The following TEX15 variants were observed in gnomAD, a reference collection of about 807,000 sequenced individuals.
TEX15 encodes testis-expressed protein 15.
Under a neutral mutation model 237.3 loss-of-function variants are expected in TEX15, and 171 were observed. That is an observed-to-expected ratio of 0.72 (90% CI 0.64 to 0.82). The LOEUF is 0.82. Ranked by LOEUF, TEX15 falls within the 40% of genes least tolerant of loss-of-function variation. TEX15 has a pLI of 0.00. For synonymous variants in TEX15, 1,338 were observed against 1,269.8 expected (o/e 1.05, Z -1.14); for missense variants, 3,750 against 3,646.5 (o/e 1.03, Z -0.73).
At chr8:30,900,376 G>C (rs766914191) in intron 1 of TEX15, among the ~76,000 whole-genome samples, 5 of 152,318 alleles carry the variant, frequency 3.3e-5, no homozygotes, top group Middle Eastern at 3.4e-3. Flanking sequence ...TACTGTGATA[G>C]TGATGATCCA....
chr8:30,889,940 T>TATATACATATATATATATATAC (rs1554502302), intron 2 of TEX15, among the ~76,000 whole-genome samples: 1 of 129,922 alleles, frequency 7.7e-6, no homozygotes, highest in African/African-American at 3.6e-5. Flanking sequence ...TATACATATA[T>TATATACATATATATATATATAC]ATATATATAT....
intron 2 of TEX15, among the ~76,000 whole-genome samples, chr8:30,898,448 C>G (rs992829098): frequency 5.3e-5 from 8 of 152,166 alleles, no homozygotes; most frequent in African/African-American, 1.9e-4. Context: ...CTGCCAGCAC[C>G]TTGATCTTGG....
chr8:30,832,236 A>C lies in TEX15; in HGVS notation c.*1050T>G, dbSNP rs1807198819. Reference sequence around the variant, plus strand: ...ATAACACAAAAAGTTTGCTTACATAAAAAGTTTGCAAAAGCACTGAAGCTT... The same window carrying C: ...ATAACACAAAAAGTTTGCTTACATACAAAGTTTGCAAAAGCACTGAAGCTT... On this transcript the variant is annotated 3_prime_UTR_variant, in exon 11 of 11. Transcript: ENST00000643185. 4 of 152,254 alleles carry C rather than the reference A, an allele frequency of 2.6e-5. No individual in the cohort carries two copies. In the South Asian group the frequency reaches 8.3e-4, roughly 31 times the overall value. The allele number at this position is 152,254 out of a possible 1,614,324, so 9.4% of individuals were successfully genotyped here. A position where few individuals can be genotyped will look rare whatever the true frequency, so the allele number is the denominator to read the frequency against.
chr8:30,894,543 C>G (rs949432138), intron 2 of TEX15, among the ~76,000 whole-genome samples: 2 of 152,034 alleles, frequency 1.3e-5, no homozygotes, highest in African/African-American at 4.8e-5. Context: ...AGAAGAGTTC[C>G]AAGATAAGCC....
Position 30,874,964 on chromosome 8 carries a change from T to A in TEX15, c.275A>T (p.Glu92Val). 7.4e-7 allele frequency: 1 copy of A among 1,354,356 alleles called. No individual in the cohort carries two copies. Among genetic ancestry groups the A allele is most frequent in the Non-Finnish European group, 9.5e-7 (1 of 1,053,466 alleles). The allele number at this position is 1,354,356 out of a possible 1,614,324, so 83.9% of individuals were successfully genotyped here. ...CTTAGCAGTAAAATTTTTTTCCAGT[T>A]CCTCATTGTGAACCAGTTTTGTATC... Reference protein sequence around the residue: ...FGDTKLVHNEELEKNFTAKRS... With the variant: ...FGDTKLVHNEVLEKNFTAKRS... The change falls in exon 4 of 11, where the codon GAA becomes GTA. Residue 92 changes from glutamate (E) to valine (V), a missense_variant. Coordinates refer to ENST00000643185, the MANE Select transcript of TEX15 (RefSeq NM_001350162.2).
intron 2 of TEX15, among the ~76,000 whole-genome samples, chr8:30,897,806 A>G (rs1808934434): frequency 6.6e-6 from 1 of 152,084 alleles, no homozygotes; most frequent in African/African-American, 2.4e-5. Context: ...GATTGCAAGC[A>G]CATGCCACCT....
chr8:30,874,740 A>T (rs750158357), intron 4 of TEX15, among the ~76,000 whole-genome samples, 197 bp downstream of exon 4: 4 of 152,210 alleles, frequency 2.6e-5, no homozygotes, highest in Non-Finnish European at 5.9e-5. Flanking sequence ...AAATCTCACT[A>T]CATTAATACA....
chr8:30,847,287 A>G lies in TEX15; in HGVS notation c.2880T>C (p.Ser960=). 3 of 1,613,990 alleles carry G rather than the reference A, an allele frequency of 1.9e-6. No individual in the cohort carries two copies. Among genetic ancestry groups the G allele is most frequent in the East Asian group, 4.5e-5 (2 of 44,870 alleles). The change falls in exon 8 of 11, where the codon AGT becomes AGC. Residue 960 remains serine (S), a synonymous_variant. Transcript: ENST00000643185. ...KQKDTENTGR[S]VEHLASTTFP... ...ATGTCGTGGAAGCCAAATGCTCTAC[A>G]CTTCTTCCAGTATTTTCAGTATCTT...
At chr8:30,893,780 T>C (rs1808841080) in intron 2 of TEX15, among the ~76,000 whole-genome samples, 1 of 152,248 alleles carries the variant, frequency 6.6e-6, no homozygotes, top group Non-Finnish European at 1.5e-5. Context: ...ATTTTCATCA[T>C]GATGTTCTAG....
intron 10 of TEX15, among the ~76,000 whole-genome samples, chr8:30,836,431 C>G (rs2128765973): frequency 6.6e-6 from 1 of 151,996 alleles, no homozygotes; most frequent in South Asian, 2.1e-4. Context: ...CCAGGCTAGT[C>G]TTGAACTCCT....
In TEX15 at chr8:30,832,640, T is replaced by C. The variant is rs1807207344; in HGVS notation, c.*646A>G. The C allele has an allele frequency of 6.6e-6, 1 of 152,226 alleles. No homozygotes were observed. Among genetic ancestry groups the C allele is most frequent in the South Asian group, 2.1e-4 (1 of 4,830 alleles). The allele number at this position is 152,226 out of a possible 1,614,324, so 9.4% of individuals were successfully genotyped here. A position where few individuals can be genotyped will look rare whatever the true frequency, so the allele number is the denominator to read the frequency against. On this transcript the variant is annotated 3_prime_UTR_variant, in exon 11 of 11. Coordinates refer to ENST00000643185, the MANE Select transcript of TEX15 (RefSeq NM_001350162.2). ...TGCTAGAAAATCATTAAAATAACTA[T>C]TTAAATTGTGAAATCCAAAAACAAA... is the stretch of plus-strand genomic sequence containing the variant.
rs780513628 is a variant in TEX15 at position 30,846,125 on chromosome 8, T to A, written c.4042A>T (p.Lys1348Ter). Residue 1348 changes from lysine to a stop codon, truncating the protein, a stop_gained, in exon 8 of 11, where the codon AAA becomes TAA. Transcript: ENST00000643185. LOFTEE classifies it high-confidence loss of function. The part of the protein sequence containing the change: ...CFSSLSQGRI[K>*]TFSQSEKHIK... ...TGCTTTTCTGACTGTGAAAATGTTTTAATTCGTCCTTGGGATAATGAAGAG... is the reference window on the plus strand; with the variant it reads ...TGCTTTTCTGACTGTGAAAATGTTTAAATTCGTCCTTGGGATAATGAAGAG... 2 of 1,613,628 alleles carry A rather than the reference T, an allele frequency of 1.2e-6. No individual in the cohort carries two copies. The highest frequency in any genetic ancestry group is 2.2e-5 in the South Asian group (2 of 91,036).
intron 1 of TEX15, among the ~76,000 whole-genome samples, chr8:30,906,741 G>C (rs1585319123): frequency 6.6e-6 from 1 of 152,050 alleles, no homozygotes; most frequent in Admixed American, 6.6e-5. Context: ...CCATGAAAAA[G>C]ACAATATTGC....
intron 1 of TEX15, among the ~76,000 whole-genome samples, chr8:30,912,559 G>C (rs1002929100): frequency 1.3e-5 from 2 of 152,180 alleles, no homozygotes; most frequent in Non-Finnish European, 2.9e-5. Flanking sequence ...GGCCAGCTCC[G>C]TGGGGCTCAG....
intron 7 of TEX15, among the ~76,000 whole-genome samples, chr8:30,852,109 T>TC: frequency 7.9e-6 from 1 of 126,368 alleles, no homozygotes; most frequent in East Asian, 2.2e-4. Context: ...TCTTTTTTTT[T>TC]TTTTTTTTTT....
In TEX15 at chr8:30,843,014, TA is replaced by T; in HGVS notation, c.7152del (p.Lys2386AsnfsTer7). 6.2e-7 allele frequency: 1 copy of T among 1,613,590 alleles called. No homozygotes were observed. Among genetic ancestry groups the T allele is most frequent in the Non-Finnish European group, 8.5e-7 (1 of 1,179,742 alleles). ...EILDQAEFAD[L>X]KKLQDLTLRC... Reference sequence around the variant, plus strand: ...CTCAAGGTGAGATCCTGTAATTTTTTAAGGTCTGCAAATTCAGCCTGATCCA... The same window carrying T: ...CTCAAGGTGAGATCCTGTAATTTTTTAGGTCTGCAAATTCAGCCTGATCCA... On this transcript the variant is annotated frameshift_variant, in exon 8 of 11. Transcript: ENST00000643185. LOFTEE classifies it high-confidence loss of function.
At chr8:30,888,076 AT>A (rs200927573) in intron 2 of TEX15, among the ~76,000 whole-genome samples, 7 of 148,344 alleles carry the variant, frequency 4.7e-5, no homozygotes, top group South Asian at 2.1e-4. Flanking sequence ...CAAATACTCC[AT>A]TTTTTTTTCT....
Position 30,844,861 on chromosome 8 carries a change from G to A in TEX15, c.5306C>T (p.Thr1769Ile). Reference sequence around the variant, plus strand: ...GCAATTACCTGAAGAGCACTGTTCTGTCTTTAGAAGCTCTTTTTCTCTACA... The same window carrying A: ...GCAATTACCTGAAGAGCACTGTTCTATCTTTAGAAGCTCTTTTTCTCTACA... ...QSCREKELLK[T>I]EQCSSGNCLH... Residue 1769 changes from threonine to isoleucine, a missense_variant, in exon 8 of 11, where the codon ACA becomes ATA. Transcript: ENST00000643185. The A allele has an allele frequency of 1.2e-6, 2 of 1,613,398 alleles. No individual in the cohort carries two copies. The highest frequency in any genetic ancestry group is 1.7e-6 in the Non-Finnish European group (2 of 1,179,566).
At chr8:30,880,626 A>G (rs1247769948) in intron 3 of TEX15, among the ~76,000 whole-genome samples, 2 of 152,168 alleles carry the variant, frequency 1.3e-5, no homozygotes. Flanking sequence ...CATTTTCTCT[A>G]CCTTACTTAC....
Sources: gnomAD v4.1 joint callset for allele counts (sites outside exome capture counted in the v4.1 genomes callset) on GRCh38, gnomAD v4.1.1 for gene constraint, MANE v1.5 for transcripts, NCBI Gene and HGNC (gene_info 2026-07-23, HGNC 2026-07-21) for gene names.